The following PHLPP1 variants were observed in gnomAD, a reference collection of about 807,000 sequenced individuals.
The protein encoded by PHLPP1 is PH domain and leucine rich repeat protein phosphatase 1, also known as PH domain leucine-rich repeat-containing protein phosphatase 1.
A neutral mutation model predicts 117.2 loss-of-function variants in PHLPP1; 42 were observed. That is an observed-to-expected ratio of 0.36 (90% confidence interval 0.28 to 0.46). The LOEUF (loss-of-function observed/expected upper bound fraction) is 0.46. Ranked by LOEUF, PHLPP1 falls within the 20% of genes least tolerant of loss-of-function variation. The pLI, the probability that PHLPP1 is intolerant of heterozygous loss-of-function variation, is 1.00. For synonymous variants in PHLPP1, 1,042 were observed against 970.7 expected, an observed-to-expected ratio of 1.07 and a Z score of -1.37; for missense variants, 2,084 against 2,241.9, an observed-to-expected ratio of 0.93 and a Z score of 1.42.
chr18:62,840,037 A>G (rs957156566), intron 3 of PHLPP1, among the ~76,000 whole-genome samples: 6 of 152,024 alleles, frequency 3.9e-5, no homozygotes, highest in Admixed American at 1.3e-4. Flanking sequence ...ATATTTTTGA[A>G]TTGGTAATTT....
chr18:62,923,139 C>CAA (rs1046323663), intron 10 of PHLPP1, among the ~76,000 whole-genome samples: 2 of 152,138 alleles, frequency 1.3e-5, no homozygotes, highest in African/African-American at 2.4e-5. Flanking sequence ...AATCCCCATA[C>CAA]AAATAGACTG....
chr18:62,872,807 TA>T (rs1915935844), intron 4 of PHLPP1, among the ~76,000 whole-genome samples: 1 of 150,952 alleles, frequency 6.6e-6, no homozygotes, highest in Non-Finnish European at 1.5e-5. Flanking sequence ...GCCAACATGG[TA>T]AAATCCCGCC....
At chr18:62,965,856 G>GA (rs1043425926) in intron 14 of PHLPP1, among the ~76,000 whole-genome samples, 8 of 143,944 alleles carry the variant, frequency 5.6e-5, no homozygotes, top group East Asian at 2.0e-4. Context: ...AAAAAAGAAA[G>GA]AAAAAAAAAC....
At chr18:62,948,830 TTG>T (rs1349380719) in intron 12 of PHLPP1, among the ~76,000 whole-genome samples, 2 of 152,186 alleles carry the variant, frequency 1.3e-5, no homozygotes, top group Non-Finnish European at 2.9e-5. Flanking sequence ...ATTGATATTT[TTG>T]TGTCATATGA....
At chr18:62,782,387 A>AT (rs997329405) in intron 1 of PHLPP1, among the ~76,000 whole-genome samples, 1 of 150,294 alleles carries the variant, frequency 6.7e-6, no homozygotes, top group Non-Finnish European at 1.5e-5. Flanking sequence ...ACTCAATTGG[A>AT]TTTTTTAATT....
At chr18:62,733,458 G>T (rs1276825133) in intron 1 of PHLPP1, among the ~76,000 whole-genome samples, 5 of 152,200 alleles carry the variant, frequency 3.3e-5, no homozygotes, top group Admixed American at 1.3e-4. Context: ...AAAAATTCAT[G>T]TGACTTTATT....
At chr18:62,923,585 T>G (rs1199762986) in intron 10 of PHLPP1, among the ~76,000 whole-genome samples, 1 of 152,172 alleles carries the variant, frequency 6.6e-6, no homozygotes, top group Non-Finnish European at 1.5e-5. Context: ...ATAAGAAAAA[T>G]CATATTTTCT....
chr18:62,765,874 T>C (rs1217385289), intron 1 of PHLPP1, among the ~76,000 whole-genome samples: 1 of 150,342 alleles, frequency 6.7e-6, no homozygotes. Context: ...GGCAGGTGCC[T>C]GTAGTCCCAG....
intron 1 of PHLPP1, among the ~76,000 whole-genome samples, chr18:62,764,511 G>T (rs1568108407): frequency 6.6e-6 from 1 of 151,812 alleles, no homozygotes; most frequent in Non-Finnish European, 1.5e-5. Flanking sequence ...CTTGTACAAG[G>T]GAGGCCAAGG....
At chr18:62,796,342 A>G (rs1032204656) in intron 1 of PHLPP1, among the ~76,000 whole-genome samples, 1 of 152,228 alleles carries the variant, frequency 6.6e-6, no homozygotes, top group Admixed American at 6.5e-5. Flanking sequence ...CAGAGAGGTC[A>G]GTAGAGAGAG....
chr18:62,943,394 C>T (rs1348620999), intron 11 of PHLPP1, among the ~76,000 whole-genome samples: 3 of 152,212 alleles, frequency 2.0e-5, no homozygotes, highest in African/African-American at 7.2e-5. Context: ...ATTTTGTCTT[C>T]ACATCTTTTG....
chr18:62,756,737 G>A (rs182726973), intron 1 of PHLPP1, among the ~76,000 whole-genome samples: 2 of 152,294 alleles, frequency 1.3e-5, no homozygotes, highest in African/African-American at 2.4e-5. Context: ...GGTTTCCCAC[G>A]TATCAGTGGG....
intron 4 of PHLPP1, among the ~76,000 whole-genome samples, chr18:62,891,986 G>C (rs921767496): frequency 6.8e-6 from 1 of 146,696 alleles, no homozygotes; most frequent in African/African-American, 2.5e-5. Flanking sequence ...GATGTTTTTA[G>C]TAACTTTTTA....
intron 1 of PHLPP1, among the ~76,000 whole-genome samples, chr18:62,817,608 C>T (rs1229460162): frequency 6.6e-6 from 1 of 151,720 alleles, no homozygotes; most frequent in Admixed American, 6.6e-5. Context: ...GGGATAACTT[C>T]AAGTGTTTGT....
At chr18:62,833,490 A>G in intron 2 of PHLPP1, among the ~76,000 whole-genome samples, 1 of 152,122 alleles carries the variant, frequency 6.6e-6, no homozygotes, top group East Asian at 1.9e-4. Context: ...AGTTTCTTCT[A>G]CCTGTGTTCT....
intron 2 of PHLPP1, among the ~76,000 whole-genome samples, chr18:62,836,399 T>A (rs1175648014): frequency 6.6e-6 from 1 of 151,056 alleles, no homozygotes; most frequent in African/African-American, 2.4e-5. Context: ...GCCACTGCAC[T>A]GCAGCCTGGG....
intron 1 of PHLPP1, among the ~76,000 whole-genome samples, chr18:62,718,383 G>T (rs769720793): frequency 6.6e-6 from 1 of 152,042 alleles, no homozygotes; most frequent in Non-Finnish European, 1.5e-5. Context: ...ATGTCTTTTG[G>T]TCCAGCTTGT....
chr18:62,964,791 C>T (rs142702863), intron 14 of PHLPP1, among the ~76,000 whole-genome samples: 95 of 152,280 alleles, frequency 6.2e-4, no homozygotes, highest in African/African-American at 2.2e-3. Context: ...GTAAATGAAA[C>T]TGCTCATTTC....
intron 1 of PHLPP1, among the ~76,000 whole-genome samples, chr18:62,823,159 A>T (rs1258620014): frequency 6.6e-6 from 1 of 152,192 alleles, no homozygotes; most frequent in Non-Finnish European, 1.5e-5. Flanking sequence ...ACTAACTATA[A>T]AAGACGAATC....
Sources: allele counts gnomAD v4.1 joint callset (sites outside exome capture counted in the v4.1 genomes callset), GRCh38; gene constraint gnomAD v4.1.1; transcripts MANE v1.5; gene names NCBI Gene and HGNC (gene_info 2026-07-23, HGNC 2026-07-21).